The following ZNF771 variants were observed in gnomAD, a reference collection of about 807,000 sequenced individuals.
ZNF771 encodes mesenchymal stem cell protein DSC43.
Under a neutral mutation model 27.6 loss-of-function variants are expected in ZNF771, and 10 were observed. The observed-to-expected ratio is 0.36, with a 90% CI of 0.22 to 0.61. The LOEUF is 0.61. ZNF771 is among the 20% of genes least tolerant of loss of function. The pLI, the probability that ZNF771 is intolerant of heterozygous loss-of-function variation, is 0.70. For synonymous variants in ZNF771, 261 were observed against 225.2 expected (o/e 1.16, Z -1.43); for missense variants, 438 against 503.7 (o/e 0.87, Z 1.25).
Position 30,418,810 on chromosome 16 carries a change from ATG to A in ZNF771, c.*445_*446del, listed in dbSNP as rs1476575090. 5.9e-6 allele frequency: 1 copy of A among 170,916 alleles called. No individual in the cohort carries two copies. Among genetic ancestry groups the A allele is most frequent in the Non-Finnish European group, 1.2e-5 (1 of 81,252 alleles). The allele number at this position is 170,916 out of a possible 1,614,324, so 10.6% of individuals were successfully genotyped here. ...ACCTGAAAGGGCCCATAAATATACT[ATG>A]TTCACGATCAGACACGCACTGCATT... On this transcript the variant is annotated 3_prime_UTR_variant, in exon 3 of 3. Transcript: ENST00000319296.
intron 2 of ZNF771, among the ~76,000 whole-genome samples, chr16:30,411,556 C>T (rs535619339): frequency 3.3e-5 from 5 of 152,178 alleles, no homozygotes; most frequent in East Asian, 1.9e-4. Context: ...ATGTAGCGGT[C>T]GTAACTCCAC....
intron 2 of ZNF771, chr16:30,414,398 T>C (rs1459573666): frequency 6.6e-6 from 1 of 152,154 alleles, no homozygotes; most frequent in African/African-American, 2.4e-5. Flanking sequence ...CGGCATGGTC[T>C]CATGGGCACC....
intron 2 of ZNF771, among the ~76,000 whole-genome samples, chr16:30,409,138 C>G (rs1003666556): frequency 1.6e-4 from 24 of 151,950 alleles, no homozygotes. Context: ...CCACGCCCGG[C>G]TAATTTTTTG....
Position 30,417,758 on chromosome 16 carries a change from C to G in ZNF771, c.345C>G (p.Gly115=). The G allele has an allele frequency of 7.0e-7, 1 of 1,430,240 alleles. No homozygotes were observed. The highest frequency in any genetic ancestry group is 1.4e-5 in the South Asian group (1 of 70,996). 88.6% of individuals were successfully genotyped at this position (1,430,240 alleles called of 1,614,324 possible). The change falls in exon 3 of 3, where the codon GGC becomes GGG. Residue 115 remains glycine, a synonymous_variant. Coordinates refer to ENST00000319296, the MANE Select transcript of ZNF771 (RefSeq NM_001142305.2). ...ALTKHGRTHT[G]ERPYECPECD... ...CCAAACACGGCCGCACGCACACGGG[C>G]GAGCGGCCCTACGAGTGCCCCGAGT...
intron 2 of ZNF771, among the ~76,000 whole-genome samples, chr16:30,412,944 C>T (rs910711107): frequency 3.3e-5 from 5 of 152,126 alleles, no homozygotes; most frequent in East Asian, 1.9e-4. Context: ...GTCTTATTTC[C>T]TTATATATAA....
intron 2 of ZNF771, among the ~76,000 whole-genome samples, chr16:30,417,277 C>T (rs927225053): frequency 4.6e-5 from 7 of 152,206 alleles, no homozygotes; most frequent in East Asian, 3.8e-4. Flanking sequence ...TTATTTAATG[C>T]GGAATCCCCG....
At position 30,418,515 on chromosome 16, in the gene ZNF771, C is replaced by T. The variant is rs1239098654; in HGVS notation, c.*148C>T. 7 of 781,098 alleles carry T rather than the reference C, an allele frequency of 9.0e-6. No homozygotes were observed. Among genetic ancestry groups the T allele is most frequent in the African/African-American group, 1.9e-5 (1 of 54,036 alleles). The allele number at this position is 781,098 out of a possible 1,614,324, so 48.4% of individuals were successfully genotyped here. A position where few individuals can be genotyped will look rare whatever the true frequency, so the allele number is the denominator to read the frequency against. On this transcript the variant is annotated 3_prime_UTR_variant, in exon 3 of 3. Transcript: ENST00000319296. ...ACTGGGAGACAGGGAGAATCCCCTG[C>T]CGGGGTCCCTGGAAACAGTGCCCAC...
intron 2 of ZNF771, among the ~76,000 whole-genome samples, chr16:30,412,115 C>T (rs1397768407): frequency 6.6e-6 from 1 of 152,166 alleles, no homozygotes; most frequent in African/African-American, 2.4e-5. Context: ...CCCTCGACAC[C>T]TATCCCATCC....
rs2050141274 is a variant in ZNF771 at position 30,417,647 on chromosome 16, G to A, written c.234G>A (p.Leu78=). 3 of 1,366,318 alleles carry A rather than the reference G, an allele frequency of 2.2e-6. No individual in the cohort carries two copies. The South Asian group carries it at 5.0e-5, about 23-fold the overall frequency. The allele number at this position is 1,366,318 out of a possible 1,614,324, so 84.6% of individuals were successfully genotyped here. Residue 78 remains leucine, a synonymous_variant, in exon 3 of 3, where the codon CTG becomes CTA. Coordinates refer to ENST00000319296, the MANE Select transcript of ZNF771 (RefSeq NM_001142305.2). ...GCGCCTTCGCGCGCCGCTCCACGCT[G>A]GCGAAGCACGCGCGCACGCACACGG... ...CGRAFARRST[L]AKHARTHTGE...
intron 2 of ZNF771, among the ~76,000 whole-genome samples, chr16:30,410,651 T>C (rs115696865): frequency 0.019 from 2,880 of 151,336 alleles, 87 homozygotes; most frequent in African/African-American, 0.066. Context: ...GGAAAGGCAG[T>C]TGGGGGACAG....
chr16:30,410,856 C>CAA lies in ZNF771; in HGVS notation c.141+2688_141+2689dup, dbSNP rs71149015. Reference sequence around the variant, plus strand: ...GCAACATAGGGAGACCTCATCTCTACAAAAAAAAAAAAAAAAAAAAAAAAA... The same window carrying CAA: ...GCAACATAGGGAGACCTCATCTCTACAAAAAAAAAAAAAAAAAAAAAAAAAAA... On this transcript the variant is annotated intron_variant, in intron 2 of 2. Coordinates refer to ENST00000319296, the MANE Select transcript of ZNF771 (RefSeq NM_001142305.2). 2.7e-3 allele frequency among the ~76,000 whole-genome samples: 74 copies of CAA among 27,378 alleles called. 1 individual carries two copies. The highest frequency in any genetic ancestry group is 4.0e-3 in the African/African-American group (24 of 5,932). The allele number at this position is 27,378 out of a possible 152,430, so 18.0% of individuals were successfully genotyped here.
chr16:30,412,681 A>C (rs570353907), intron 2 of ZNF771, among the ~76,000 whole-genome samples: 1 of 152,162 alleles, frequency 6.6e-6, no homozygotes, highest in African/African-American at 2.4e-5. Flanking sequence ...AGCGCCAGCT[A>C]TTTGGGGGGT....
chr16:30,407,624 C>A lies in ZNF771; in HGVS notation c.-50C>A, dbSNP rs964009950. 2 of 156,310 alleles carry A rather than the reference C, an allele frequency of 1.3e-5. No homozygotes were observed. The highest frequency in any genetic ancestry group is 2.4e-5 in the African/African-American group (1 of 41,440). The allele number at this position is 156,310 out of a possible 1,614,324, so 9.7% of individuals were successfully genotyped here. A position where few individuals can be genotyped will look rare whatever the true frequency, so the allele number is the denominator to read the frequency against. On this transcript the variant is annotated 5_prime_UTR_variant, in exon 1 of 3. Coordinates refer to ENST00000319296, the MANE Select transcript of ZNF771 (RefSeq NM_001142305.2). Reference sequence around the variant, plus strand: ...CCTCGCTGAGTGCCCAGCCGCCCGGCGCCCAGGCCTGGGGCACCGCGAGTG... The same window carrying A: ...CCTCGCTGAGTGCCCAGCCGCCCGGAGCCCAGGCCTGGGGCACCGCGAGTG...
At position 30,417,831 on chromosome 16, in the gene ZNF771, C is replaced by T. The variant is rs1291842160; in HGVS notation, c.418C>T (p.Arg140Trp). The part of the protein sequence containing the change: ...AASNLRQHRR[R>W]HTGEKPYACA... Reference sequence around the variant, plus strand: ...CTCGAACCTGCGGCAGCACCGGCGGCGGCACACGGGCGAGAAGCCGTACGC... The same window carrying T: ...CTCGAACCTGCGGCAGCACCGGCGGTGGCACACGGGCGAGAAGCCGTACGC... Residue 140 changes from arginine (R) to tryptophan (W), a missense_variant, in exon 3 of 3, where the codon CGG becomes TGG. By Grantham distance (101) the Arg-to-Trp change is moderately radical (BLOSUM62 -3). Around this residue, in one of 3 missense-constraint regions of ZNF771, gnomAD observed 305 missense variants for 308.0 expected, o/e 0.99. Coordinates refer to ENST00000319296, the MANE Select transcript of ZNF771 (RefSeq NM_001142305.2). 2.0e-6 allele frequency: 3 copies of T among 1,495,066 alleles called. No homozygotes were observed. Among genetic ancestry groups the T allele is most frequent in the Admixed American group, 2.2e-5 (1 of 45,114 alleles). 92.6% of individuals were successfully genotyped at this position (1,495,066 alleles called of 1,614,324 possible).
intron 2 of ZNF771, among the ~76,000 whole-genome samples, chr16:30,408,785 A>G (rs1263978634): frequency 6.6e-6 from 1 of 152,046 alleles, no homozygotes; most frequent in African/African-American, 2.4e-5. Context: ...GGGGTGATGG[A>G]CCCAGTCAGA....
chr16:30,417,950 C>A lies in ZNF771; in HGVS notation c.537C>A (p.Asp179Glu), dbSNP rs1025508359. The stretch of plus-strand genomic sequence containing the variant: ...GCGAGAAGCCGTACGCGTGCCCGGA[C>A]TGCGGACGCGCCTTTGGCGGCAGCT... ...HTGEKPYACP[D>E]CGRAFGGSSC... Residue 179 changes from aspartate to glutamate, a missense_variant, in exon 3 of 3, where the codon GAC becomes GAA. By Grantham distance (45) the Asp-to-Glu change is conservative. This residue lies in a region of ZNF771 where 305 missense variants were observed against 308.0 expected (regional missense o/e 0.99). Transcript: ENST00000319296. The A allele has an allele frequency of 6.6e-7, 1 of 1,507,134 alleles. No homozygotes were observed. 93.4% of individuals were successfully genotyped at this position (1,507,134 alleles called of 1,614,324 possible).
intron 2 of ZNF771, among the ~76,000 whole-genome samples, chr16:30,416,669 C>G (rs1017117117): frequency 5.9e-5 from 9 of 152,146 alleles, no homozygotes; most frequent in Non-Finnish European, 4.4e-5. Flanking sequence ...CTCTCTCCAA[C>G]TCCTTCATTT....
Position 30,411,352 on chromosome 16 carries a change from T to C in ZNF771, c.141+3158T>C, listed in dbSNP as rs374835441. 1.1e-4 allele frequency among the ~76,000 whole-genome samples: 17 copies of C among 151,486 alleles called. No individual in the cohort carries two copies. In the South Asian group the frequency reaches 3.1e-3, roughly 28 times the overall value. The stretch of plus-strand genomic sequence containing the variant: ...AAAAAAATCAGAGGAGGGACATGAT[T>C]GGATTTTCTGTTTAGAAGAATTATT... On this transcript the variant is annotated intron_variant, in intron 2 of 2. Coordinates refer to ENST00000319296, the MANE Select transcript of ZNF771 (RefSeq NM_001142305.2).
Sources: gnomAD v4.1 joint callset for allele counts (sites outside exome capture counted in the v4.1 genomes callset) on GRCh38, gnomAD v4.1.1 for gene constraint, gnomAD v4.1.1 regional missense constraint, MANE v1.5 for transcripts, NCBI Gene and HGNC (gene_info 2026-07-23, HGNC 2026-07-21) for gene names.